The following PLEKHG4B variants were observed in gnomAD, a reference collection of about 807,000 sequenced individuals.
PLEKHG4B encodes pleckstrin homology domain-containing family G member 4B.
Under a neutral mutation model 121.3 loss-of-function variants are expected in PLEKHG4B, and 111 were observed. The observed-to-expected ratio is 0.92, with a 90% CI of 0.78 to 1.07. The LOEUF (loss-of-function observed/expected upper bound fraction) is 1.07. Ranked by LOEUF, PLEKHG4B falls within the 50% of genes least tolerant of loss-of-function variation. PLEKHG4B has a pLI of 0.00. For synonymous variants in PLEKHG4B, 738 were observed against 725.0 expected (o/e 1.02, Z -0.29); for missense variants, 1,831 against 1,757.8 (o/e 1.04, Z -0.74).
In PLEKHG4B at chr5:156,623, C is replaced by G. The variant is rs552213249; in HGVS notation, c.2349-150C>G. Reference sequence around the variant, plus strand: ...CAGAACGCATGGAGCACATCTGTGCCCCGCCTCGGTTGTGGGCCTCCTCCT... The same window carrying G: ...CAGAACGCATGGAGCACATCTGTGCGCCGCCTCGGTTGTGGGCCTCCTCCT... On this transcript the variant is annotated intron_variant, in intron 10 of 19. Coordinates refer to ENST00000637938, the MANE Select transcript of PLEKHG4B (RefSeq NM_052909.5). The surrounding 1 kb of genome is among the most constrained non-coding windows in gnomAD (Gnocchi z 4.4). 19 of 1,094,824 alleles carry G rather than the reference C, an allele frequency of 1.7e-5. No individual in the cohort carries two copies. In the African/African-American group the frequency reaches 2.9e-4, roughly 17 times the overall value. The allele number at this position is 1,094,824 out of a possible 1,614,324, so 67.8% of individuals were successfully genotyped here.
At chr5:94,100 C>A (rs994907310) in intron 1 of PLEKHG4B, among the ~76,000 whole-genome samples, 1 of 152,252 alleles carries the variant, frequency 6.6e-6, no homozygotes, top group African/African-American at 2.4e-5. Flanking sequence ...GGCTTCAACA[C>A]CTGCCCAGCA....
At position 115,350 on chromosome 5, in the gene PLEKHG4B, G is replaced by T. The variant is rs1189271697; in HGVS notation, c.243+1902G>T. Among the ~76,000 whole-genome samples, 7 of 152,170 alleles carry T rather than the reference G, an allele frequency of 4.6e-5. 1 individual carries two copies. Among genetic ancestry groups the T allele is most frequent in the Non-Finnish European group, 8.8e-5 (6 of 68,036 alleles). ...GACGTGCTGTCATCCAGGCTTTGTT[G>T]TTCTATTTATAGAGCAAGGCCAAGT... On this transcript the variant is annotated intron_variant, in intron 2 of 19. Coordinates refer to ENST00000637938, the MANE Select transcript of PLEKHG4B (RefSeq NM_052909.5).
intron 1 of PLEKHG4B, among the ~76,000 whole-genome samples, chr5:101,507 A>G (rs1210557241): frequency 1.6e-5 from 2 of 128,848 alleles, no homozygotes; most frequent in Admixed American, 7.1e-5. Context: ...CCCTGGGAAA[A>G]GCCTGTAGGG....
chr5:189,869 G>A lies in PLEKHG4B; in HGVS notation c.*7546G>A, dbSNP rs904782888. The A allele has an allele frequency of 2.0e-5, 3 of 152,226 alleles. No homozygotes were observed. The highest frequency in any genetic ancestry group is 4.4e-5 in the Non-Finnish European group (3 of 68,050). The allele number at this position is 152,226 out of a possible 1,614,324, so 9.4% of individuals were successfully genotyped here. ...AACCACTTTTCAGAACCCAAAAGGT[G>A]TCTGGGAAATGGCGTTACCTGCCAC... On this transcript the variant is annotated 3_prime_UTR_variant, in exon 20 of 20. Coordinates refer to ENST00000637938, the MANE Select transcript of PLEKHG4B (RefSeq NM_052909.5).
intron 6 of PLEKHG4B, among the ~76,000 whole-genome samples, chr5:149,412 A>G (rs955942130): frequency 1.3e-5 from 2 of 152,022 alleles, no homozygotes; most frequent in African/African-American, 2.4e-5. Flanking sequence ...ATGGTGGTGC[A>G]TGTTTGTAGT....
chr5:125,079 G>C (rs1734574334), intron 2 of PLEKHG4B, among the ~76,000 whole-genome samples: 1 of 152,180 alleles, frequency 6.6e-6, no homozygotes, highest in Non-Finnish European at 1.5e-5. Context: ...GTTGCAGTGA[G>C]CTGAGATCAC....
chr5:102,944 G>A lies in PLEKHG4B; in HGVS notation c.46-10307G>A, dbSNP rs530758317. On this transcript the variant is annotated intron_variant, in intron 1 of 19. Coordinates refer to ENST00000637938, the MANE Select transcript of PLEKHG4B (RefSeq NM_052909.5). ...TCGGGTCTTGGAGCCGGTGGTTATG[G>A]TAAGCAAATCTGTTAGAGGCTTCTT... Among the ~76,000 whole-genome samples the A allele has an allele frequency of 3.3e-5, 5 of 152,310 alleles. No homozygotes were observed. In the East Asian group the frequency reaches 9.7e-4, roughly 29 times the overall value.
intron 13 of PLEKHG4B, among the ~76,000 whole-genome samples, chr5:164,474 G>C (rs1236141590): frequency 2.6e-4 from 34 of 129,760 alleles, no homozygotes; most frequent in Admixed American, 1.5e-3. Context: ...TGTTGTGACG[G>C]AGCAGAGCTC....
At chr5:119,731 G>A (rs1417283799) in intron 2 of PLEKHG4B, among the ~76,000 whole-genome samples, 1 of 152,198 alleles carries the variant, frequency 6.6e-6, no homozygotes, top group Non-Finnish European at 1.5e-5. Flanking sequence ...GGCTGGAGGA[G>A]GATGGAGAGG....
intron 1 of PLEKHG4B, among the ~76,000 whole-genome samples, chr5:93,682 G>A (rs904965227): frequency 2.0e-5 from 3 of 152,206 alleles, no homozygotes; most frequent in African/African-American, 4.8e-5. Flanking sequence ...GTAGAGGGGC[G>A]CTGCTGGCCT....
chr5:148,204 T>A (rs1486842846), intron 6 of PLEKHG4B, among the ~76,000 whole-genome samples: 1 of 151,002 alleles, frequency 6.6e-6, no homozygotes, highest in East Asian at 2.0e-4. Context: ...AACATATTAC[T>A]GGAAGTTCTA....
chr5:103,329 C>T (rs1435373772), intron 1 of PLEKHG4B, among the ~76,000 whole-genome samples: 1 of 152,064 alleles, frequency 6.6e-6, no homozygotes, highest in African/African-American at 2.4e-5. Flanking sequence ...TTTCAGGGCT[C>T]ATTTTATTTT....
chr5:171,026 C>A lies in PLEKHG4B; in HGVS notation c.3730-17C>A. ...CCTGTCACTCCCACAGCCAAGCAGT[C>A]GCCTCTGCTTTTCCAGGAAGAGCAG... On this transcript the variant is annotated splice_polypyrimidine_tract_variant and intron_variant, in intron 14 of 19. Transcript: ENST00000637938. 6.3e-7 allele frequency: 1 copy of A among 1,597,442 alleles called. No individual in the cohort carries two copies. The highest frequency in any genetic ancestry group is 1.1e-5 in the South Asian group (1 of 88,784).
intron 2 of PLEKHG4B, among the ~76,000 whole-genome samples, chr5:118,305 G>A (rs1406258971): frequency 6.6e-6 from 1 of 152,164 alleles, no homozygotes; most frequent in East Asian, 1.9e-4. Flanking sequence ...TCTCTCAAAA[G>A]CAGACGGGGT....
chr5:140,740 C>G (rs1245600944), intron 3 of PLEKHG4B, 24 bp downstream of exon 3: 1 of 1,521,730 alleles, frequency 6.6e-7, no homozygotes, highest in Non-Finnish European at 8.8e-7. Context: ...ACGCCCTCCC[C>G]TGCGCACCCC....
intron 18 of PLEKHG4B, among the ~76,000 whole-genome samples, chr5:180,747 C>G (rs527267243): frequency 9.2e-5 from 14 of 152,314 alleles, no homozygotes; most frequent in African/African-American, 2.9e-4. Flanking sequence ...AGGGGAAGAG[C>G]AATGTCCTGT....
intron 2 of PLEKHG4B, among the ~76,000 whole-genome samples, chr5:121,004 T>A (rs1168448580): frequency 6.6e-6 from 1 of 152,214 alleles, no homozygotes; most frequent in Admixed American, 6.5e-5. Flanking sequence ...CCCAGCACTT[T>A]GGGAGGCTGA....
intron 19 of PLEKHG4B, 133 bp from the exon 20 acceptor site, chr5:181,871 A>T: frequency 7.8e-7 from 1 of 1,290,268 alleles, no homozygotes; most frequent in Non-Finnish European, 1.1e-6. Flanking sequence ...AGTGGCCGAC[A>T]TGGTGGGTTG....
intron 18 of PLEKHG4B, among the ~76,000 whole-genome samples, chr5:180,156 A>G (rs1270311316): frequency 6.6e-6 from 1 of 152,124 alleles, no homozygotes; most frequent in Admixed American, 6.6e-5. Context: ...GAAATGTGTA[A>G]GGATCATTTG....
Sources: allele counts gnomAD v4.1 joint callset (sites outside exome capture counted in the v4.1 genomes callset), GRCh38; gene constraint gnomAD v4.1.1; non-coding constraint Gnocchi (gnomAD v3.1); transcripts MANE v1.5; gene names NCBI Gene and HGNC (gene_info 2026-07-23, HGNC 2026-07-21).